ERO1B: variants seen among roughly 807,000 people sequenced by gnomAD.
ERO1B encodes the protein ERO1-like protein beta.
Under a neutral mutation model 75.3 loss-of-function variants are expected in ERO1B, and 49 were observed. The ratio of observed to expected loss-of-function variants is 0.65; its 90% confidence interval spans 0.52 to 0.83. ERO1B has a LOEUF of 0.83. ERO1B is among the 40% of genes least tolerant of loss of function. The pLI, the probability that ERO1B is intolerant of heterozygous loss-of-function variation, is 0.00. For synonymous variants in ERO1B, 191 were observed against 192.9 expected, an observed-to-expected ratio of 0.99 and a Z score of 0.08; for missense variants, 512 against 560.1, an observed-to-expected ratio of 0.91 and a Z score of 0.87.
At chr1:236,236,018 G>A (rs571000783) in intron 7 of ERO1B, among the ~76,000 whole-genome samples, 183 bp from the exon 8 acceptor site, 28 of 151,904 alleles carry the variant, frequency 1.8e-4, no homozygotes, top group Admixed American at 6.6e-4. Flanking sequence ...TCTGCCTCCC[G>A]GGTTCAAGTG....
chr1:236,278,112 G>A (rs746640840), intron 1 of ERO1B, among the ~76,000 whole-genome samples: 1 of 151,948 alleles, frequency 6.6e-6, no homozygotes, highest in Non-Finnish European at 1.5e-5. Flanking sequence ...ATAATTTTTC[G>A]AGGTTTGAGT....
chr1:236,281,592 C>CCGGCCCTGCT (rs2102970342), intron 1 of ERO1B, 90 bp downstream of exon 1: 1 of 1,008,966 alleles, frequency 9.9e-7, no homozygotes, highest in Non-Finnish European at 1.3e-6. Context: ...CCGGCCCTGC[C>CCGGCCCTGCT]CGGCCCTCCC....
At chr1:236,247,622 G>A (rs1664917548) in intron 5 of ERO1B, among the ~76,000 whole-genome samples, 1 of 152,050 alleles carries the variant, frequency 6.6e-6, no homozygotes, top group South Asian at 2.1e-4. Flanking sequence ...AAACCTCCCT[G>A]TGAGTTTTAT....
intron 8 of ERO1B, among the ~76,000 whole-genome samples, chr1:236,235,359 C>T (rs576669907): frequency 3.7e-4 from 56 of 152,250 alleles, no homozygotes; most frequent in Non-Finnish European, 6.6e-4. Flanking sequence ...AGCACTGTTA[C>T]GAGACACTGG....
intron 5 of ERO1B, among the ~76,000 whole-genome samples, chr1:236,245,339 T>C (rs1296119271): frequency 6.2e-4 from 19 of 30,444 alleles, no homozygotes; most frequent in East Asian, 2.1e-3. Flanking sequence ...CGTATATATA[T>C]ACGTATATAT....
intron 1 of ERO1B, among the ~76,000 whole-genome samples, chr1:236,273,750 G>A (rs1014350489): frequency 2.7e-5 from 4 of 149,592 alleles, no homozygotes; most frequent in Non-Finnish European, 5.9e-5. Flanking sequence ...AGGTTGCAGT[G>A]AGCCAAAATC....
At chr1:236,258,231 A>C (rs943339696) in intron 2 of ERO1B, among the ~76,000 whole-genome samples, 1 of 151,450 alleles carries the variant, frequency 6.6e-6, no homozygotes, top group African/African-American at 2.4e-5. Flanking sequence ...ACACACCAAA[A>C]GACGTTATTA....
chr1:236,226,969 A>C (rs1558506377), intron 10 of ERO1B, among the ~76,000 whole-genome samples: 1 of 152,212 alleles, frequency 6.6e-6, no homozygotes, highest in Non-Finnish European at 1.5e-5. Context: ...AAAAAAGCAG[A>C]AAAGTTTGAG....
At chr1:236,222,321 C>T (rs528746209) in intron 13 of ERO1B, among the ~76,000 whole-genome samples, 1 of 152,168 alleles carries the variant, frequency 6.6e-6, no homozygotes, top group Admixed American at 6.5e-5. Context: ...CCATGTTGTC[C>T]AGGCTGGTCT....
chr1:236,231,500 GAAAA>G (rs57411768), intron 9 of ERO1B, among the ~76,000 whole-genome samples: 1 of 95,890 alleles, frequency 1.0e-5, no homozygotes. Flanking sequence ...TTAAACACTT[GAAAA>G]AAAAAAAAAA....
intron 7 of ERO1B, 138 bp from the exon 8 acceptor site, chr1:236,235,973 G>A: frequency 1.3e-6 from 1 of 747,644 alleles, no homozygotes; most frequent in South Asian, 1.9e-5. Context: ...CACCCAGGCT[G>A]GAGTACAGTG....
Position 236,253,592 on chromosome 1 carries a change from G to A in ERO1B, c.223-87C>T, listed in dbSNP as rs1460575958. The A allele has an allele frequency of 4.9e-6, 4 of 823,010 alleles. No individual in the cohort carries two copies. The South Asian group carries it at 6.1e-5, about 12-fold the overall frequency. 51.0% of individuals were successfully genotyped at this position (823,010 alleles called of 1,614,324 possible). A position where few individuals can be genotyped will look rare whatever the true frequency, so the allele number is the denominator to read the frequency against. ...CATTGTGTTGGGCACCAGTGACATGGTGGTGAATAAGAAGGAATACTTCCT... is the reference window on the plus strand; with the variant it reads ...CATTGTGTTGGGCACCAGTGACATGATGGTGAATAAGAAGGAATACTTCCT... On this transcript the variant is annotated intron_variant, in intron 2 of 15. Transcript: ENST00000354619.
intron 2 of ERO1B, among the ~76,000 whole-genome samples, chr1:236,269,660 A>G (rs1413927683): frequency 6.6e-6 from 1 of 152,218 alleles, no homozygotes; most frequent in Non-Finnish European, 1.5e-5. Flanking sequence ...CCTAAAAACC[A>G]AAACTGAAAA....
chr1:236,269,658 C>T (rs987571494), intron 2 of ERO1B, among the ~76,000 whole-genome samples: 4 of 152,088 alleles, frequency 2.6e-5, no homozygotes, highest in African/African-American at 9.7e-5. Context: ...TGCCTAAAAA[C>T]CAAAACTGAA....
intron 14 of ERO1B, 42 bp downstream of exon 14, chr1:236,221,882 A>G (rs1664154513): frequency 2.7e-6 from 4 of 1,464,574 alleles, no homozygotes; most frequent in African/African-American, 2.8e-5. Flanking sequence ...TGGAAAAAAT[A>G]AAGGTTAGTA....
chr1:236,248,576 T>C (rs1304167349), intron 5 of ERO1B, among the ~76,000 whole-genome samples: 1 of 152,174 alleles, frequency 6.6e-6, no homozygotes, highest in African/African-American at 2.4e-5. Context: ...GTTAAAAGAA[T>C]AAATCTGTGT....
intron 1 of ERO1B, among the ~76,000 whole-genome samples, chr1:236,278,495 A>C (rs564238461): frequency 6.6e-6 from 1 of 152,168 alleles, no homozygotes; most frequent in Admixed American, 6.5e-5. Flanking sequence ...ACTCCACTCC[A>C]TGCAACTGCT....
chr1:236,226,401 T>C lies in ERO1B; in HGVS notation c.920A>G (p.Tyr307Cys), dbSNP rs891819908. Residue 307 changes from tyrosine (Y) to cysteine (C), a missense_variant, in exon 12 of 16, where the codon TAC becomes TGC. Coordinates refer to ENST00000354619, the MANE Select transcript of ERO1B (RefSeq NM_019891.4). The part of the protein sequence containing the change: ...PRRLKNLYFL[Y>C]LIELRALSKV... ...TGACAAAGCTCGAAGCTCAATCAAG[T>C]ATAAAAAGTAAAGATTCTTGAGCCT... The C allele has an allele frequency of 5.1e-5, 82 of 1,613,992 alleles. No homozygotes were observed. The highest frequency in any genetic ancestry group is 6.7e-5 in the Non-Finnish European group (79 of 1,180,018).
At chr1:236,254,883 G>A (rs578008646) in intron 2 of ERO1B, among the ~76,000 whole-genome samples, 15 of 150,784 alleles carry the variant, frequency 9.9e-5, no homozygotes, top group Admixed American at 7.9e-4. Context: ...AAAGTGCTGG[G>A]ATTAGAGGCA....
Sources: allele counts gnomAD v4.1 joint callset (sites outside exome capture counted in the v4.1 genomes callset), GRCh38; gene constraint gnomAD v4.1.1; transcripts MANE v1.5; gene names NCBI Gene and HGNC (gene_info 2026-07-23, HGNC 2026-07-21).